Variants in PRKG2 observed in about 807,000 individuals in gnomAD.
PRKG2 encodes the protein protein kinase cGMP-dependent 2, also known as cGMP-dependent protein kinase 2.
In PRKG2, 33 loss-of-function variants were observed where a neutral mutation model predicts 97.2. That is an observed-to-expected ratio of 0.34 (90% CI 0.26 to 0.45). The LOEUF is 0.45. PRKG2 is among the 20% of genes least tolerant of loss of function. The probability of loss-of-function intolerance (pLI) is 1.00; values close to 1 mark genes in which losing one functional copy is unlikely to be tolerated. For synonymous variants in PRKG2, 330 were observed against 321.8 expected (o/e 1.03, Z -0.27); for missense variants, 638 against 900.0 (o/e 0.71, Z 3.73).
At chr4:81,123,560 A>G (rs1416555579) in intron 14 of PRKG2, among the ~76,000 whole-genome samples, 1 of 152,112 alleles carries the variant, frequency 6.6e-6, no homozygotes, top group Non-Finnish European at 1.5e-5. Context: ...GCCTGCCACC[A>G]TGCCTGGCTA....
At chr4:81,173,575 A>G (rs1478534869) in intron 3 of PRKG2, among the ~76,000 whole-genome samples, 1 of 152,152 alleles carries the variant, frequency 6.6e-6, no homozygotes, top group Non-Finnish European at 1.5e-5. Flanking sequence ...GGCTAAATTA[A>G]GACTATAACT....
chr4:81,195,293 T>A (rs1752889184), intron 2 of PRKG2, among the ~76,000 whole-genome samples: 1 of 152,116 alleles, frequency 6.6e-6, no homozygotes, highest in Non-Finnish European at 1.5e-5. Flanking sequence ...CTCCTCTCCC[T>A]CCTCCCAGCA....
chr4:81,203,054 C>T (rs2110127807), intron 2 of PRKG2, among the ~76,000 whole-genome samples: 1 of 151,604 alleles, frequency 6.6e-6, no homozygotes, highest in Admixed American at 6.6e-5. Flanking sequence ...TAATGTAATG[C>T]ACATTCTGTA....
At position 81,202,332 on chromosome 4, in the gene PRKG2, T is replaced by A. The variant is rs1471515301; in HGVS notation, c.461+2255A>T. Among the ~76,000 whole-genome samples, 2 of 152,212 alleles carry A rather than the reference T, an allele frequency of 1.3e-5. 1 individual carries two copies. Among genetic ancestry groups the A allele is most frequent in the South Asian group, 4.1e-4 (2 of 4,830 alleles). ...ATTTTAAATTTCTGAATTTATAAAG[T>A]TAACTATTTGTGTTTAGCTAGTTAT... On this transcript the variant is annotated intron_variant, in intron 2 of 18. Coordinates refer to ENST00000264399, the MANE Select transcript of PRKG2 (RefSeq NM_006259.3).
At position 81,156,588 on chromosome 4, in the gene PRKG2, C is replaced by T. The variant is rs2110066387; in HGVS notation, c.913-2867G>A. Among the ~76,000 whole-genome samples the T allele has an allele frequency of 2.0e-5, 3 of 152,302 alleles. 1 individual carries two copies. Among genetic ancestry groups the T allele is most frequent in the South Asian group, 4.1e-4 (2 of 4,822 alleles). Reference sequence around the variant, plus strand: ...CTCTGCACCAAGCTGACCTAATAGACATCTACAGAACTCTCCACCCCAAAT... The same window carrying T: ...CTCTGCACCAAGCTGACCTAATAGATATCTACAGAACTCTCCACCCCAAAT... On this transcript the variant is annotated intron_variant, in intron 6 of 18. Transcript: ENST00000264399.
intron 14 of PRKG2, 44 bp downstream of exon 14, chr4:81,135,111 G>A: frequency 1.3e-6 from 2 of 1,517,458 alleles, no homozygotes; most frequent in Non-Finnish European, 8.9e-7. Context: ...TTTTGCCAGG[G>A]GAAATATCTC....
At chr4:81,098,978 G>C (rs1056187381) in intron 17 of PRKG2, among the ~76,000 whole-genome samples, 1 of 152,166 alleles carries the variant, frequency 6.6e-6, no homozygotes, top group Admixed American at 6.6e-5. Flanking sequence ...GCAAGGTGCA[G>C]TAAGTAAAGC....
chr4:81,122,015 A>C (rs543483444), intron 14 of PRKG2, among the ~76,000 whole-genome samples: 58 of 152,302 alleles, frequency 3.8e-4, no homozygotes, highest in African/African-American at 1.3e-3. Context: ...CAGGCTCTGA[A>C]TTTTAGCTGA....
At chr4:81,094,103 C>A (rs186022498) in intron 17 of PRKG2, among the ~76,000 whole-genome samples, 89 of 152,162 alleles carry the variant, frequency 5.8e-4, no homozygotes, top group Admixed American at 1.2e-3. Context: ...ATAAGGTATG[C>A]CTGTAACTGA....
upstream of PRKG2, among the ~76,000 whole-genome samples, chr4:81,217,020 G>GTATATATTTTGTATATATATATATATA (rs1754296954): frequency 1.0e-5 from 1 of 100,054 alleles, no homozygotes; most frequent in Non-Finnish European, 2.1e-5. Context: ...TAGTGTGTGT[G>GTATATATTTTGTATATATATATATATA]TATATATTTT....
At chr4:81,113,416 A>G (rs1744183478) in intron 14 of PRKG2, among the ~76,000 whole-genome samples, 1 of 151,832 alleles carries the variant, frequency 6.6e-6, no homozygotes, top group African/African-American at 2.4e-5. Context: ...CAAGACGAGT[A>G]CCTGAGGAAG....
chr4:81,196,266 C>A (rs1008085457), intron 2 of PRKG2, among the ~76,000 whole-genome samples: 18 of 152,180 alleles, frequency 1.2e-4, no homozygotes, highest in African/African-American at 4.1e-4. Flanking sequence ...GAAATGAACA[C>A]GGCCAGTTGA....
At chr4:81,153,546 A>G (rs553700291) in intron 7 of PRKG2, 98 bp downstream of exon 7, 1 of 912,192 alleles carries the variant, frequency 1.1e-6, no homozygotes, top group African/African-American at 1.7e-5. Flanking sequence ...ATCTGTCCAA[A>G]GTGGAGGACC....
At chr4:81,127,425 G>A (rs978271217) in intron 14 of PRKG2, among the ~76,000 whole-genome samples, 1 of 151,996 alleles carries the variant, frequency 6.6e-6, no homozygotes, top group African/African-American at 2.4e-5. Flanking sequence ...TAGCTTGATG[G>A]GGATAGCATT....
intron 6 of PRKG2, among the ~76,000 whole-genome samples, chr4:81,154,785 CT>C (rs1748846928): frequency 2.0e-5 from 3 of 152,174 alleles, no homozygotes; most frequent in Admixed American, 2.0e-4. Context: ...CTTTGACGAG[CT>C]GCGAGAAGAA....
At chr4:81,202,411 C>T (rs548468521) in intron 2 of PRKG2, among the ~76,000 whole-genome samples, 29 of 152,250 alleles carry the variant, frequency 1.9e-4, no homozygotes, top group Non-Finnish European at 3.5e-4. Context: ...AGGTACAAAC[C>T]AGTCAACTAA....
At chr4:81,123,626 G>A (rs761240985) in intron 14 of PRKG2, among the ~76,000 whole-genome samples, 7 of 152,062 alleles carry the variant, frequency 4.6e-5, no homozygotes, top group South Asian at 4.1e-4. Flanking sequence ...GGATGGTCTC[G>A]ATCTCCTGAC....
intron 2 of PRKG2, among the ~76,000 whole-genome samples, chr4:81,191,079 C>T (rs1324713464): frequency 6.6e-6 from 1 of 151,960 alleles, no homozygotes; most frequent in African/African-American, 2.4e-5. Flanking sequence ...ACACCCATTA[C>T]TTGGTATATA....
chr4:81,133,639 A>G (rs1208806541), intron 14 of PRKG2, among the ~76,000 whole-genome samples: 1 of 152,168 alleles, frequency 6.6e-6, no homozygotes, highest in African/African-American at 2.4e-5. Flanking sequence ...CAAGGTACAT[A>G]GTTTAATTCA....
Sources: allele counts gnomAD v4.1 joint callset (sites outside exome capture counted in the v4.1 genomes callset), GRCh38; gene constraint gnomAD v4.1.1; transcripts MANE v1.5; gene names NCBI Gene and HGNC (gene_info 2026-07-23, HGNC 2026-07-21).